CNTN4: variants seen among roughly 807,000 people sequenced by gnomAD.
The protein encoded by CNTN4 is contactin 4, also known as contactin-4.
CNTN4 carries 77 observed loss-of-function variants against 122.5 expected under a neutral mutation model. The ratio of observed to expected loss-of-function variants is 0.63; its 90% CI spans 0.52 to 0.76. The LOEUF (loss-of-function observed/expected upper bound fraction) is 0.76, where lower values mean the gene tolerates loss of function less well. CNTN4 is among the 30% of genes least tolerant of loss of function. The probability of loss-of-function intolerance (pLI) is 0.00; values close to 1 mark genes in which losing one functional copy is unlikely to be tolerated. For synonymous variants in CNTN4, 512 were observed against 447.0 expected, an observed-to-expected ratio of 1.15 and a Z score of -1.83; for missense variants, 1,256 against 1,259.1, an observed-to-expected ratio of 1.00 and a Z score of 0.04.
At chr3:2,132,747 A>G (rs1378504766) in intron 2 of CNTN4, among the ~76,000 whole-genome samples, 14 of 152,140 alleles carry the variant, frequency 9.2e-5, no homozygotes, top group African/African-American at 3.4e-4. Context: ...GGTTTTCTCT[A>G]ATAAGATTAC....
At chr3:2,383,002 G>A (rs1292247531) in intron 3 of CNTN4, among the ~76,000 whole-genome samples, 1 of 151,868 alleles carries the variant, frequency 6.6e-6, no homozygotes, top group Non-Finnish European at 1.5e-5. Flanking sequence ...TTGAACTCGG[G>A]AGGCGGAGGT....
At chr3:2,968,461 C>A (rs575537247) in intron 13 of CNTN4, among the ~76,000 whole-genome samples, 2 of 152,330 alleles carry the variant, frequency 1.3e-5, no homozygotes, top group Admixed American at 1.3e-4. Context: ...TTGGTTGATG[C>A]ACTCGACCAT....
intron 2 of CNTN4, among the ~76,000 whole-genome samples, chr3:2,323,352 G>A (rs1428968659): frequency 3.3e-5 from 5 of 152,222 alleles, no homozygotes; most frequent in African/African-American, 9.6e-5. Context: ...ATGGGAGAAC[G>A]TTGTTGCGTG....
chr3:2,372,084 G>A (rs898993218), intron 3 of CNTN4, among the ~76,000 whole-genome samples: 1 of 152,096 alleles, frequency 6.6e-6, no homozygotes, highest in East Asian at 1.9e-4. Flanking sequence ...GGTAATAAGG[G>A]CTTATGTTAT....
intron 4 of CNTN4, among the ~76,000 whole-genome samples, chr3:2,599,829 A>C (rs1212569464): frequency 6.6e-6 from 1 of 152,084 alleles, no homozygotes; most frequent in Non-Finnish European, 1.5e-5. Context: ...ATGGAGAAAG[A>C]AGCATTGGGT....
chr3:2,603,320 A>T (rs1264286820), intron 4 of CNTN4, among the ~76,000 whole-genome samples: 1 of 152,144 alleles, frequency 6.6e-6, no homozygotes, highest in East Asian at 1.9e-4. Context: ...TTTTTCTTTG[A>T]TTCAGAAGGT....
chr3:2,961,337 G>A (rs563834987), intron 13 of CNTN4, among the ~76,000 whole-genome samples: 1 of 150,368 alleles, frequency 6.7e-6, no homozygotes, highest in East Asian at 2.0e-4. Context: ...ATAGACTCAA[G>A]AGCAATGAAA....
intron 2 of CNTN4, among the ~76,000 whole-genome samples, chr3:2,272,799 C>G (rs1037637337): frequency 1.1e-5 from 1 of 87,710 alleles, no homozygotes; most frequent in Non-Finnish European, 2.4e-5. Context: ...GTAGCAGAAA[C>G]ACTACAGAGC....
At chr3:3,026,943 C>G (rs73116696) in intron 15 of CNTN4, among the ~76,000 whole-genome samples, 12,882 of 152,150 alleles carry the variant, frequency 0.085, 626 homozygotes, top group Admixed American at 0.11. Flanking sequence ...CTCTAACGCA[C>G]CTCTGTGATC....
At chr3:2,183,205 GA>G (rs10715587) in intron 2 of CNTN4, among the ~76,000 whole-genome samples, 152,263 of 152,300 alleles carry the variant, frequency 1, 76,113 homozygotes, top group Middle Eastern at 1. Context: ...TCTTATACAT[GA>G]TATGACAGCC....
intron 4 of CNTN4, among the ~76,000 whole-genome samples, chr3:2,589,467 T>G (rs189643639): frequency 1.4e-4 from 22 of 152,338 alleles, no homozygotes; most frequent in South Asian, 4.1e-4. Flanking sequence ...TAGAGTATAA[T>G]TCTTCCTTAC....
intron 4 of CNTN4, among the ~76,000 whole-genome samples, chr3:2,663,233 A>G (rs1188761729): frequency 6.6e-6 from 1 of 152,224 alleles, no homozygotes; most frequent in Non-Finnish European, 1.5e-5. Flanking sequence ...ATTGAACTAG[A>G]ATCAAAAAAG....
chr3:2,898,879 C>T (rs1201148282), intron 10 of CNTN4, among the ~76,000 whole-genome samples: 2 of 152,172 alleles, frequency 1.3e-5, no homozygotes, highest in Non-Finnish European at 1.5e-5. Context: ...CTGCATTAGC[C>T]ATCAAATTCT....
chr3:2,190,840 A>G (rs2037503191), intron 2 of CNTN4, among the ~76,000 whole-genome samples: 1 of 151,710 alleles, frequency 6.6e-6, no homozygotes, highest in Non-Finnish European at 1.5e-5. Context: ...ACACATACAC[A>G]CACACACATA....
At chr3:2,474,270 C>A (rs1342744777) in intron 3 of CNTN4, among the ~76,000 whole-genome samples, 2 of 152,136 alleles carry the variant, frequency 1.3e-5, no homozygotes, top group Admixed American at 6.5e-5. Context: ...AGCAGTATTT[C>A]TTGCTCTTGC....
At chr3:2,347,977 T>C (rs1362339456) in intron 3 of CNTN4, among the ~76,000 whole-genome samples, 1 of 152,184 alleles carries the variant, frequency 6.6e-6, no homozygotes, top group African/African-American at 2.4e-5. Flanking sequence ...TTGTTTATAC[T>C]GTATGTTTCT....
At chr3:2,577,994 T>G (rs2079770042) in intron 4 of CNTN4, among the ~76,000 whole-genome samples, 6 of 152,186 alleles carry the variant, frequency 3.9e-5, no homozygotes, top group African/African-American at 1.4e-4. Flanking sequence ...CGTTATTATA[T>G]CTGCATCTGG....
intron 4 of CNTN4, chr3:2,629,381 C>G (rs2082328823): frequency 3.4e-6 from 1 of 292,886 alleles, no homozygotes; most frequent in South Asian, 3.0e-5. Flanking sequence ...GTCACGGCAG[C>G]CTGAGCAGAC....
chr3:2,631,716 C>G (rs2082435903), intron 4 of CNTN4, among the ~76,000 whole-genome samples: 1 of 151,120 alleles, frequency 6.6e-6, no homozygotes. Flanking sequence ...AGTAAGAGTT[C>G]AAAGTTTATG....
Sources: gnomAD v4.1 joint callset for allele counts (sites outside exome capture counted in the v4.1 genomes callset) on GRCh38, gnomAD v4.1.1 for gene constraint, MANE v1.5 for transcripts, NCBI Gene and HGNC (gene_info 2026-07-23, HGNC 2026-07-21) for gene names.